EXOC1: variants seen among roughly 807,000 people sequenced by gnomAD.
The protein encoded by EXOC1 is SEC3-like 1.
In EXOC1, 67 loss-of-function variants were observed where a neutral mutation model predicts 107.7. The observed-to-expected ratio is 0.62, with a 90% confidence interval of 0.51 to 0.76. The LOEUF is 0.76. Ranked by LOEUF, EXOC1 falls within the 30% of genes least tolerant of loss-of-function variation. The pLI is 0.00. For missense variants in EXOC1, 833 were observed against 1,055.7 expected (o/e 0.79, Z 2.92); for synonymous variants, 348 against 353.5 (o/e 0.98, Z 0.17).
intron 1 of EXOC1, 49 bp from the exon 2 acceptor site, chr4:55,858,265 T>C (rs1311360613): frequency 1.3e-6 from 2 of 1,503,882 alleles, no homozygotes; most frequent in East Asian, 4.8e-5. Flanking sequence ...AAGTATAAGA[T>C]GGAATGATGT....
At chr4:55,900,318 A>G (rs1468634045) in intron 17 of EXOC1, among the ~76,000 whole-genome samples, 7 of 152,184 alleles carry the variant, frequency 4.6e-5, no homozygotes, top group African/African-American at 1.4e-4. Flanking sequence ...CTTACTTTAT[A>G]AATGACCAAG....
chr4:55,903,160 AAAAAG>A (rs532260933), intron 18 of EXOC1, among the ~76,000 whole-genome samples: 30,064 of 139,306 alleles, frequency 0.22, 3,054 homozygotes, highest in Non-Finnish European at 0.25. Context: ...AAAAAAAAAA[AAAAAG>A]AAAGAAAGAA....
chr4:55,892,817 T>A, intron 14 of EXOC1, 106 bp downstream of exon 14: 1 of 985,808 alleles, frequency 1.0e-6, no homozygotes. Flanking sequence ...CTGACAGCAC[T>A]CACAGTACCA....
intron 1 of EXOC1, among the ~76,000 whole-genome samples, chr4:55,854,257 G>A (rs1042577388): frequency 7.9e-5 from 11 of 138,694 alleles, no homozygotes; most frequent in Non-Finnish European, 1.5e-4. Flanking sequence ...CTTCTAGATG[G>A]CAATGCTTCA....
At chr4:55,898,634 T>C (rs1193014087) in intron 16 of EXOC1, among the ~76,000 whole-genome samples, 1 of 152,234 alleles carries the variant, frequency 6.6e-6, no homozygotes, top group Non-Finnish European at 1.5e-5. Flanking sequence ...TTCCAAACTT[T>C]TAAATTCCCT....
At chr4:55,870,648 G>A (rs1368869330) in intron 5 of EXOC1, 30 bp from the exon 6 acceptor site, 1 of 1,553,648 alleles carries the variant, frequency 6.4e-7, no homozygotes, top group Non-Finnish European at 8.9e-7. Flanking sequence ...TTGTTTGTTT[G>A]TTTGTTTGTT....
chr4:55,858,261 A>G, intron 1 of EXOC1, 53 bp from the exon 2 acceptor site: 1 of 1,497,608 alleles, frequency 6.7e-7, no homozygotes, highest in Non-Finnish European at 8.9e-7. Context: ...TCAGAAGTAT[A>G]AGATGGAATG....
chr4:55,854,250 C>T (rs1577678283), intron 1 of EXOC1, among the ~76,000 whole-genome samples: 1 of 131,318 alleles, frequency 7.6e-6, no homozygotes, highest in Non-Finnish European at 1.5e-5. Flanking sequence ...GTTATATCTT[C>T]TAGATGGCAA....
chr4:55,890,423 A>T, intron 12 of EXOC1, 37 bp downstream of exon 12: 1 of 1,593,684 alleles, frequency 6.3e-7, no homozygotes, highest in South Asian at 1.1e-5. Context: ...AAACATTAAC[A>T]TTAGTTTTCT....
chr4:55,856,769 G>C (rs1181983345), intron 1 of EXOC1, among the ~76,000 whole-genome samples: 1 of 152,212 alleles, frequency 6.6e-6, no homozygotes, highest in East Asian at 1.9e-4. Context: ...AAGATGCTGA[G>C]TTAGATAAGA....
intron 9 of EXOC1, among the ~76,000 whole-genome samples, chr4:55,882,095 G>C (rs1292313873): frequency 1.2e-5 from 1 of 81,592 alleles, no homozygotes; most frequent in African/African-American, 6.2e-5. Flanking sequence ...CTTACCATAG[G>C]GTTTTTGTTG....
chr4:55,895,133 A>C (rs1725053559), intron 15 of EXOC1, among the ~76,000 whole-genome samples: 1 of 152,176 alleles, frequency 6.6e-6, no homozygotes, highest in South Asian at 2.1e-4. Context: ...ACTTCTGTAT[A>C]TCTTATTTCA....
At chr4:55,879,153 G>T (rs181165650) in intron 9 of EXOC1, among the ~76,000 whole-genome samples, 1 of 152,138 alleles carries the variant, frequency 6.6e-6, no homozygotes, top group African/African-American at 2.4e-5. Context: ...CACCTATTAC[G>T]TGCTAACACT....
chr4:55,896,599 C>A, intron 15 of EXOC1, 118 bp from the exon 16 acceptor site: 1 of 750,372 alleles, frequency 1.3e-6, no homozygotes, highest in Non-Finnish European at 2.0e-6. Flanking sequence ...CACATAATAT[C>A]CTGCCTCTAT....
intron 5 of EXOC1, among the ~76,000 whole-genome samples, chr4:55,869,163 C>T (rs986555160): frequency 6.6e-6 from 1 of 151,688 alleles, no homozygotes; most frequent in South Asian, 2.1e-4. Context: ...GTCAGGAATT[C>T]GAGACGAGCC....
intron 8 of EXOC1, among the ~76,000 whole-genome samples, chr4:55,872,440 T>A (rs1250804499): frequency 1.3e-5 from 2 of 152,090 alleles, no homozygotes; most frequent in African/African-American, 4.8e-5. Flanking sequence ...ATATAAATGC[T>A]TTACCTATAT....
At chr4:55,869,492 A>G (rs770034285) in intron 5 of EXOC1, among the ~76,000 whole-genome samples, 51 of 152,228 alleles carry the variant, frequency 3.4e-4, no homozygotes, top group Admixed American at 4.6e-4. Flanking sequence ...CTCAGAGGAT[A>G]AGGAACATTT....
At chr4:55,895,728 T>C (rs1214304796) in intron 15 of EXOC1, among the ~76,000 whole-genome samples, 2 of 152,336 alleles carry the variant, frequency 1.3e-5, no homozygotes, top group East Asian at 3.9e-4. Flanking sequence ...GTGGATCGTT[T>C]TGAACCTAAG....
At chr4:55,881,629 G>A (rs1462408673) in intron 9 of EXOC1, among the ~76,000 whole-genome samples, 2 of 152,146 alleles carry the variant, frequency 1.3e-5, no homozygotes, top group African/African-American at 2.4e-5. Context: ...TGAAGCAAAG[G>A]TGGGACAACA....
Sources: allele counts gnomAD v4.1 joint callset (sites outside exome capture counted in the v4.1 genomes callset), GRCh38; gene constraint gnomAD v4.1.1; transcripts MANE v1.5; gene names NCBI Gene and HGNC (gene_info 2026-07-23, HGNC 2026-07-21).